MAN2A1: variants seen among roughly 807,000 people sequenced by gnomAD.
MAN2A1 encodes mannosidase alpha class 2A member 1.
MAN2A1 carries 76 observed loss-of-function variants against 142.6 expected under a neutral mutation model. The observed-to-expected ratio is 0.53, with a 90% CI of 0.44 to 0.65. The LOEUF (loss-of-function observed/expected upper bound fraction) is 0.65, where lower values mean the gene tolerates loss of function less well. MAN2A1 is among the 30% of genes least tolerant of loss of function. The pLI is 0.00. For synonymous variants in MAN2A1, 559 were observed against 473.2 expected (o/e 1.18, Z -2.35); for missense variants, 1,311 against 1,365.1 (o/e 0.96, Z 0.62).
intron 15 of MAN2A1, among the ~76,000 whole-genome samples, chr5:109,820,771 C>A (rs1754602327): frequency 6.6e-6 from 1 of 152,160 alleles, no homozygotes. Flanking sequence ...CCACTGCACT[C>A]CAGCCTGGGT....
At chr5:109,702,315 TTGTGTGTGTGTGTGTG>T (rs34048618) in intron 1 of MAN2A1, among the ~76,000 whole-genome samples, 5 of 144,034 alleles carry the variant, frequency 3.5e-5, no homozygotes, top group Admixed American at 6.9e-5. Flanking sequence ...AGAACATAAA[TTGTGTGTGTGTGTGTG>T]TGTGTGTGTG....
intron 5 of MAN2A1, among the ~76,000 whole-genome samples, chr5:109,765,387 C>T (rs1582874828): frequency 1.3e-5 from 2 of 152,034 alleles, no homozygotes; most frequent in South Asian, 4.1e-4. Flanking sequence ...TTCCTATCTA[C>T]CTGTTTGTCT....
At chr5:109,838,566 A>G (rs1397464053) in intron 16 of MAN2A1, among the ~76,000 whole-genome samples, 1 of 152,200 alleles carries the variant, frequency 6.6e-6, no homozygotes, top group African/African-American at 2.4e-5. Context: ...AACTTAGGGA[A>G]TTACTGACAC....
chr5:109,759,726 T>G (rs13187248), intron 5 of MAN2A1, among the ~76,000 whole-genome samples: 55,143 of 151,950 alleles, frequency 0.36, 10,467 homozygotes, highest in African/African-American at 0.48. Flanking sequence ...AACAACGAAT[T>G]AGAGTTCTGA....
intron 4 of MAN2A1, among the ~76,000 whole-genome samples, chr5:109,732,838 C>T (rs907196862): frequency 1.7e-4 from 26 of 151,366 alleles, no homozygotes; most frequent in African/African-American, 2.4e-4. Context: ...ATTGACTTGG[C>T]GATGCGGGCT....
At chr5:109,750,067 T>A (rs1362345997) in intron 4 of MAN2A1, among the ~76,000 whole-genome samples, 1 of 152,086 alleles carries the variant, frequency 6.6e-6, no homozygotes, top group Admixed American at 6.6e-5. Context: ...CCAGACATAT[T>A]GTTTCTGTTA....
chr5:109,834,366 G>A (rs1755006489), intron 16 of MAN2A1, among the ~76,000 whole-genome samples: 1 of 152,002 alleles, frequency 6.6e-6, no homozygotes, highest in Non-Finnish European at 1.5e-5. Context: ...TAAAACTGAT[G>A]TCGGTATTAT....
In MAN2A1 at chr5:109,732,159, T is replaced by A. The variant is rs36133929; in HGVS notation, c.707+2646T>A. 3.5e-3 allele frequency among the ~76,000 whole-genome samples: 526 copies of A among 150,970 alleles called. 5 individuals carry two copies. The highest frequency in any genetic ancestry group is 0.012 in the African/African-American group (508 of 41,110). On this transcript the variant is annotated intron_variant, in intron 4 of 21. Coordinates refer to ENST00000261483, the MANE Select transcript of MAN2A1 (RefSeq NM_002372.4). ...GTGTTTTTTGGCTGCATAAATGTCT[T>A]CTTTTGAGAAGTGTCTGTTCATGTC... is the stretch of plus-strand genomic sequence containing the variant.
chr5:109,807,466 T>C (rs541370656), intron 12 of MAN2A1, among the ~76,000 whole-genome samples: 1 of 152,330 alleles, frequency 6.6e-6, no homozygotes, highest in East Asian at 1.9e-4. Context: ...TAACAAAATA[T>C]TGGTAGGGCT....
intron 17 of MAN2A1, among the ~76,000 whole-genome samples, chr5:109,843,042 G>A (rs775319643): frequency 1.2e-4 from 19 of 152,074 alleles, no homozygotes; most frequent in Non-Finnish European, 2.1e-4. Flanking sequence ...TTGGACTCAA[G>A]TGATCTGCCC....
intron 1 of MAN2A1, among the ~76,000 whole-genome samples, chr5:109,695,689 A>G (rs1417793218): frequency 6.6e-6 from 1 of 152,206 alleles, no homozygotes; most frequent in African/African-American, 2.4e-5. Flanking sequence ...CTGTCTTGGT[A>G]AAAGTTCCTG....
rs1209998800 is a variant in MAN2A1 at position 109,808,129 on chromosome 5, C to T, written c.1944-9144C>T. ...TTTAGAGATGCACTTTACTGTGTAGCGTCTAGTGGTAGTGGCCTGTATATC... is the reference window on the plus strand; with the variant it reads ...TTTAGAGATGCACTTTACTGTGTAGTGTCTAGTGGTAGTGGCCTGTATATC... On this transcript the variant is annotated intron_variant, in intron 12 of 21. Coordinates refer to ENST00000261483, the MANE Select transcript of MAN2A1 (RefSeq NM_002372.4). Among the ~76,000 whole-genome samples the T allele has an allele frequency of 3.3e-5, 5 of 152,232 alleles. No homozygotes were observed. The South Asian group carries it at 6.2e-4, about 19-fold the overall frequency.
chr5:109,858,970 A>G (rs1755691150), intron 20 of MAN2A1, among the ~76,000 whole-genome samples: 1 of 152,136 alleles, frequency 6.6e-6, no homozygotes, highest in African/African-American at 2.4e-5. Flanking sequence ...CCCGGATCAC[A>G]CAGGGGAGAT....
chr5:109,805,494 A>C (rs1407581347), intron 12 of MAN2A1, among the ~76,000 whole-genome samples: 1 of 152,174 alleles, frequency 6.6e-6, no homozygotes, highest in Non-Finnish European at 1.5e-5. Context: ...GCAACTACAA[A>C]TTCTGTGGAC....
chr5:109,850,591 C>A (rs770116976), intron 19 of MAN2A1, among the ~76,000 whole-genome samples: 2 of 152,180 alleles, frequency 1.3e-5, no homozygotes, highest in African/African-American at 4.8e-5. Flanking sequence ...ATAGGAAAAT[C>A]ATTGTCTGAG....
intron 4 of MAN2A1, among the ~76,000 whole-genome samples, chr5:109,754,356 A>G (rs902448321): frequency 1.3e-5 from 2 of 152,150 alleles, no homozygotes; most frequent in African/African-American, 2.4e-5. Flanking sequence ...GTATGGTATT[A>G]TGGCAAAGGA....
chr5:109,716,410 C>A, intron 3 of MAN2A1, 146 bp downstream of exon 3: 3 of 604,114 alleles, frequency 5.0e-6, no homozygotes, highest in East Asian at 5.7e-5. Flanking sequence ...TTTTATGTGT[C>A]ATTATGTTTT....
chr5:109,787,658 A>G (rs1034208152), intron 10 of MAN2A1, among the ~76,000 whole-genome samples: 8 of 151,922 alleles, frequency 5.3e-5, no homozygotes, highest in Non-Finnish European at 7.4e-5. Flanking sequence ...ACTCAGTTTA[A>G]TTAGGACTCT....
At chr5:109,692,472 C>T (rs1164823330) in intron 1 of MAN2A1, among the ~76,000 whole-genome samples, 23 of 152,138 alleles carry the variant, frequency 1.5e-4, no homozygotes, top group Non-Finnish European at 7.3e-5. Context: ...CCTCTGTAAG[C>T]TTAACCGTTA....
Sources: gnomAD v4.1 joint callset for allele counts (sites outside exome capture counted in the v4.1 genomes callset) on GRCh38, gnomAD v4.1.1 for gene constraint, MANE v1.5 for transcripts, NCBI Gene and HGNC (gene_info 2026-07-23, HGNC 2026-07-21) for gene names.